Variants in SND1 observed in about 807,000 individuals in gnomAD.
SND1 encodes staphylococcal nuclease and tudor domain containing 1.
Under a neutral mutation model 121.7 loss-of-function variants are expected in SND1, and 38 were observed. The observed-to-expected ratio is 0.31, with a 90% CI of 0.24 to 0.41. The LOEUF (loss-of-function observed/expected upper bound fraction) is 0.41. Ranked by LOEUF, SND1 falls within the 10% of genes least tolerant of loss-of-function variation. SND1 has a pLI of 1.00. For synonymous variants in SND1, 401 were observed against 447.4 expected (o/e 0.90, Z 1.31); for missense variants, 868 against 1,184.6 (o/e 0.73, Z 3.92).
chr7:127,992,622 T>C (rs1187277007), intron 16 of SND1, among the ~76,000 whole-genome samples: 2 of 152,240 alleles, frequency 1.3e-5, no homozygotes, highest in African/African-American at 4.8e-5. Context: ...TTCTCATCAT[T>C]TACTGTCTAA....
chr7:128,038,294 G>A (rs1584755642), intron 16 of SND1, among the ~76,000 whole-genome samples: 1 of 152,198 alleles, frequency 6.6e-6, no homozygotes, highest in Non-Finnish European at 1.5e-5. Context: ...GGGCATTATG[G>A]TGTACTGGTG....
intron 11 of SND1, among the ~76,000 whole-genome samples, chr7:127,842,144 C>T (rs1798976635): frequency 6.6e-6 from 1 of 152,162 alleles, no homozygotes. Flanking sequence ...TAACGGTGCT[C>T]ACTAGCAGTG....
intron 11 of SND1, 137 bp from the exon 12 acceptor site, chr7:127,844,187 A>ACC (rs1799015528): frequency 2.0e-6 from 1 of 498,742 alleles, no homozygotes; most frequent in Non-Finnish European, 3.6e-6. Context: ...TATTTCTTTT[A>ACC]ATTGGTTTTA....
chr7:128,066,948 G>C (rs906869343), intron 16 of SND1, among the ~76,000 whole-genome samples: 6 of 152,122 alleles, frequency 3.9e-5, no homozygotes, highest in Non-Finnish European at 8.8e-5. Context: ...CTTGGGCTCC[G>C]AGTCATTATT....
intron 15 of SND1, among the ~76,000 whole-genome samples, chr7:127,941,768 A>T (rs1801209006): frequency 6.6e-6 from 1 of 151,768 alleles, no homozygotes; most frequent in South Asian, 2.1e-4. Flanking sequence ...CTTCTTCATG[A>T]ATGATGTCGT....
At chr7:127,771,568 G>A (rs1294520142) in intron 10 of SND1, among the ~76,000 whole-genome samples, 1 of 152,016 alleles carries the variant, frequency 6.6e-6, no homozygotes, top group African/African-American at 2.4e-5. Context: ...TTCATGAAGT[G>A]TATCCTGCCT....
At chr7:127,694,175 C>A (rs1795969838) in intron 2 of SND1, among the ~76,000 whole-genome samples, 1 of 152,166 alleles carries the variant, frequency 6.6e-6, no homozygotes, top group Non-Finnish European at 1.5e-5. Flanking sequence ...TGGGGGATAT[C>A]TTCTTACTAT....
At position 127,701,315 on chromosome 7, in the gene SND1, C is replaced by T. The variant is rs751638936; in HGVS notation, c.581C>T (p.Pro194Leu). The change falls in exon 5 of 24, where the codon CCT becomes CTT. Residue 194 changes from proline (P) to leucine (L), a missense_variant. By Grantham distance (98) the Pro-to-Leu change is moderately conservative. Around this residue, in one of 2 missense-constraint regions of SND1, gnomAD observed 743 missense variants for 1,071.3 expected, o/e 0.69. Coordinates refer to ENST00000354725, the MANE Select transcript of SND1 (RefSeq NM_014390.4). ...TTTGTGGACTCACACCACCAGAAGC[C>T]TGTTAATGGTGAGGCTGGTGGGAAC... ...RHFVDSHHQK[P>L]VNAIIEHVRD... 1.9e-6 allele frequency: 3 copies of T among 1,613,770 alleles called. No individual in the cohort carries two copies. Among genetic ancestry groups the T allele is most frequent in the South Asian group, 1.1e-5 (1 of 91,046 alleles).
chr7:127,667,253 A>G (rs1587580295), intron 1 of SND1, among the ~76,000 whole-genome samples: 3 of 152,154 alleles, frequency 2.0e-5, no homozygotes, highest in South Asian at 4.1e-4. Flanking sequence ...CACTATTTCT[A>G]TAGGTCAAGT....
chr7:127,670,640 A>G (rs1478014206), intron 1 of SND1, among the ~76,000 whole-genome samples: 1 of 152,122 alleles, frequency 6.6e-6, no homozygotes, highest in Non-Finnish European at 1.5e-5. Flanking sequence ...TTGTCTGAAT[A>G]TAAAACCTAA....
chr7:128,043,751 A>G (rs910099016), intron 16 of SND1, among the ~76,000 whole-genome samples: 5 of 151,490 alleles, frequency 3.3e-5, no homozygotes, highest in African/African-American at 1.2e-4. Flanking sequence ...CCCTTTTCAG[A>G]TAATATATCT....
chr7:127,654,405 G>A (rs1415320505), intron 1 of SND1, among the ~76,000 whole-genome samples: 1 of 152,192 alleles, frequency 6.6e-6, no homozygotes, highest in Non-Finnish European at 1.5e-5. Flanking sequence ...AAGAGGCAGA[G>A]CTGAGACTTG....
At chr7:127,773,266 A>T (rs865952029) in intron 10 of SND1, among the ~76,000 whole-genome samples, 16 of 152,184 alleles carry the variant, frequency 1.1e-4, no homozygotes, top group Admixed American at 2.6e-4. Flanking sequence ...ATTCTGTCCA[A>T]CATGGTGAAA....
At chr7:127,756,162 T>C (rs1009958123) in intron 10 of SND1, among the ~76,000 whole-genome samples, 2 of 152,182 alleles carry the variant, frequency 1.3e-5, no homozygotes, top group African/African-American at 4.8e-5. Flanking sequence ...AGAGGAGCTT[T>C]TGTCTTAAAT....
At chr7:128,044,327 A>G (rs1338711129) in intron 16 of SND1, among the ~76,000 whole-genome samples, 1 of 152,172 alleles carries the variant, frequency 6.6e-6, no homozygotes, top group African/African-American at 2.4e-5. Context: ...CGCATCCACA[A>G]AGGGACAGGC....
Position 128,040,671 on chromosome 7 carries a change from T to C in SND1, c.1780-33831T>C, listed in dbSNP as rs151120525. On this transcript the variant is annotated intron_variant, in intron 16 of 23. Coordinates refer to ENST00000354725, the MANE Select transcript of SND1 (RefSeq NM_014390.4). ...AAAGATTTTTACTCAGTTTGGAACT[T>C]TCTCCATGTTTTTAATCTATTCAAT... Among the ~76,000 whole-genome samples, 455 of 152,272 alleles carry C rather than the reference T, an allele frequency of 3.0e-3. 2 individuals carry two copies. The highest frequency in any genetic ancestry group is 0.01 in the African/African-American group (435 of 41,548).
chr7:127,754,876 A>T (rs1797166270), intron 10 of SND1, among the ~76,000 whole-genome samples: 1 of 152,262 alleles, frequency 6.6e-6, no homozygotes, highest in Non-Finnish European at 1.5e-5. Flanking sequence ...GATTTTCATC[A>T]GCATTAAAAG....
At chr7:127,749,675 T>C (rs1017665446) in intron 10 of SND1, among the ~76,000 whole-genome samples, 2 of 152,196 alleles carry the variant, frequency 1.3e-5, no homozygotes, top group Admixed American at 6.5e-5. Context: ...AATAGAGATT[T>C]AAAGTTTTAA....
At chr7:128,084,281 C>T (rs988532608) in intron 18 of SND1, among the ~76,000 whole-genome samples, 2 of 152,228 alleles carry the variant, frequency 1.3e-5, no homozygotes, top group African/African-American at 4.8e-5. Context: ...CTGTCAGTTA[C>T]CACCTCTGTG....
Sources: allele counts gnomAD v4.1 joint callset (sites outside exome capture counted in the v4.1 genomes callset), GRCh38; gene constraint gnomAD v4.1.1; regional missense constraint gnomAD v4.1.1; transcripts MANE v1.5; gene names NCBI Gene and HGNC (gene_info 2026-07-23, HGNC 2026-07-21).